The following ZNF423 variants were observed in gnomAD, a reference collection of about 807,000 sequenced individuals.
ZNF423 encodes the protein zinc finger protein 423.
A neutral mutation model predicts 95.8 loss-of-function variants in ZNF423; 12 were observed. That is an observed-to-expected ratio of 0.13 (90% CI 0.08 to 0.20). ZNF423 has a LOEUF of 0.20. Among genes scored for constraint, ZNF423 ranks in the 10% least tolerant of loss-of-function variants. The probability of loss-of-function intolerance (pLI) is 1.00; values close to 1 mark genes in which losing one functional copy is unlikely to be tolerated. For missense variants in ZNF423, 1,316 were observed against 1,737.1 expected (o/e 0.76, Z 4.31); for synonymous variants, 749 against 711.9 (o/e 1.05, Z -0.83).
chr16:49,690,453 T>C (rs1458739043), intron 3 of ZNF423, among the ~76,000 whole-genome samples: 1 of 152,202 alleles, frequency 6.6e-6, no homozygotes, highest in Admixed American at 6.5e-5. Flanking sequence ...TGCTCAGGAT[T>C]TGAGGCTGCA....
intron 5 of ZNF423, among the ~76,000 whole-genome samples, chr16:49,578,438 C>T (rs1036590016): frequency 7.3e-5 from 11 of 150,388 alleles, no homozygotes; most frequent in African/African-American, 2.7e-4. Context: ...TTTTTAGCCT[C>T]TGCTCCAGGG....
chr16:49,725,838 C>T (rs533042396), intron 3 of ZNF423, among the ~76,000 whole-genome samples: 4 of 152,288 alleles, frequency 2.6e-5, no homozygotes, highest in African/African-American at 7.2e-5. Flanking sequence ...GGGCAGCACG[C>T]ACCCCATCTG....
intron 7 of ZNF423, chr16:49,518,071 C>T (rs929692911): frequency 2.2e-6 from 1 of 450,026 alleles, no homozygotes; most frequent in Non-Finnish European, 4.4e-6. Context: ...GGAGCATAAC[C>T]AGGATCACAC....
intron 5 of ZNF423, among the ~76,000 whole-genome samples, chr16:49,618,303 C>T (rs550886584): frequency 1.3e-5 from 2 of 152,330 alleles, no homozygotes; most frequent in East Asian, 3.9e-4. Flanking sequence ...GGGCCTGGTG[C>T]TGAGTAAGCT....
At chr16:49,726,801 A>C (rs1181395871) in intron 3 of ZNF423, among the ~76,000 whole-genome samples, 1 of 145,276 alleles carries the variant, frequency 6.9e-6, no homozygotes, top group Non-Finnish European at 1.5e-5. Flanking sequence ...CAGTACCTGC[A>C]ACCCAAGCTT....
intron 3 of ZNF423, among the ~76,000 whole-genome samples, chr16:49,668,026 G>A (rs775068919): frequency 2.0e-5 from 3 of 152,126 alleles, no homozygotes; most frequent in Non-Finnish European, 2.9e-5. Context: ...CTTCCTTCCC[G>A]AGGCAACCTG....
intron 2 of ZNF423, among the ~76,000 whole-genome samples, chr16:49,740,813 C>A (rs1449185532): frequency 1.3e-5 from 2 of 152,204 alleles, no homozygotes; most frequent in Non-Finnish European, 2.9e-5. Flanking sequence ...ACAGAAATGA[C>A]TAGAAACTTC....
At chr16:49,623,394 G>C (rs1261122619) in intron 5 of ZNF423, among the ~76,000 whole-genome samples, 1 of 152,210 alleles carries the variant, frequency 6.6e-6, no homozygotes, top group Non-Finnish European at 1.5e-5. Flanking sequence ...CCTTGCACTT[G>C]AGGACACATA....
chr16:49,596,213 C>G (rs1205779121), intron 5 of ZNF423, among the ~76,000 whole-genome samples: 2 of 152,210 alleles, frequency 1.3e-5, no homozygotes, highest in Non-Finnish European at 2.9e-5. Flanking sequence ...AAGCCGCAAA[C>G]AGCTCCATTC....
chr16:49,537,974 G>A (rs1480588038), intron 5 of ZNF423, among the ~76,000 whole-genome samples: 1 of 152,202 alleles, frequency 6.6e-6, no homozygotes, highest in South Asian at 2.1e-4. Context: ...CCAGCTCCCA[G>A]AGCCCAGCCA....
At chr16:49,743,649 G>C (rs1238651302) in intron 2 of ZNF423, among the ~76,000 whole-genome samples, 1 of 152,048 alleles carries the variant, frequency 6.6e-6, no homozygotes, top group African/African-American at 2.4e-5. Flanking sequence ...CCGGGACACA[G>C]GGGGCTCAAG....
intron 7 of ZNF423, among the ~76,000 whole-genome samples, chr16:49,519,132 G>A (rs1417592744): frequency 6.6e-6 from 1 of 152,152 alleles, no homozygotes; most frequent in Non-Finnish European, 1.5e-5. Flanking sequence ...TGCTGAGAAT[G>A]TACACATGAC....
intron 3 of ZNF423, among the ~76,000 whole-genome samples, chr16:49,659,714 C>T (rs1313789892): frequency 2.6e-5 from 4 of 152,216 alleles, no homozygotes; most frequent in Admixed American, 2.0e-4. Flanking sequence ...ACATGGCACA[C>T]GAGGGGCTTC....
At chr16:49,567,906 C>T (rs1224752826) in intron 5 of ZNF423, among the ~76,000 whole-genome samples, 1 of 152,186 alleles carries the variant, frequency 6.6e-6, no homozygotes, top group African/African-American at 2.4e-5. Flanking sequence ...TATACTCCTC[C>T]GGAAGTGGAC....
At chr16:49,696,190 G>A (rs971288149) in intron 3 of ZNF423, among the ~76,000 whole-genome samples, 2 of 152,148 alleles carry the variant, frequency 1.3e-5, no homozygotes, top group African/African-American at 2.4e-5. Flanking sequence ...CCTTCCTCTC[G>A]CTTGAATGAC....
At chr16:49,591,821 G>T (rs1176219320) in intron 5 of ZNF423, among the ~76,000 whole-genome samples, 1 of 152,208 alleles carries the variant, frequency 6.6e-6, no homozygotes, top group Non-Finnish European at 1.5e-5. Context: ...AGTAGGCAGT[G>T]ATTCCATTTC....
intron 5 of ZNF423, among the ~76,000 whole-genome samples, chr16:49,547,445 G>A (rs1392447175): frequency 6.6e-6 from 1 of 152,210 alleles, no homozygotes; most frequent in African/African-American, 2.4e-5. Context: ...GAATCTCAAG[G>A]GAGGAGTCAG....
At chr16:49,837,314 G>A (rs1233268910) in intron 1 of ZNF423, among the ~76,000 whole-genome samples, 4 of 152,088 alleles carry the variant, frequency 2.6e-5, no homozygotes, top group South Asian at 2.1e-4. Context: ...GGCTGTGTGC[G>A]TCTCTGAAAC....
intron 5 of ZNF423, among the ~76,000 whole-genome samples, chr16:49,595,076 G>A (rs1304500984): frequency 6.6e-6 from 1 of 152,172 alleles, no homozygotes; most frequent in African/African-American, 2.4e-5. Flanking sequence ...GAACACCCGG[G>A]TGACCCCAAC....
Sources: gnomAD v4.1 joint callset for allele counts (sites outside exome capture counted in the v4.1 genomes callset) on GRCh38, gnomAD v4.1.1 for gene constraint, MANE v1.5 for transcripts, NCBI Gene and HGNC (gene_info 2026-07-23, HGNC 2026-07-21) for gene names.